PKHD1: variants seen among roughly 807,000 people sequenced by gnomAD.
PKHD1 encodes PKHD1 ciliary IPT domain containing fibrocystin/polyductin.
A neutral mutation model predicts 412.0 loss-of-function variants in PKHD1; 291 were observed. The ratio of observed to expected loss-of-function variants is 0.71; its 90% CI spans 0.64 to 0.78. The LOEUF (loss-of-function observed/expected upper bound fraction) is 0.78. PKHD1 is among the 30% of genes least tolerant of loss of function. PKHD1 has a pLI of 0.00. For missense variants in PKHD1, 4,825 were observed against 4,950.7 expected, an observed-to-expected ratio of 0.97 and a Z score of 0.76; for synonymous variants, 1,777 against 1,821.5, an observed-to-expected ratio of 0.98 and a Z score of 0.62.
intron 59 of PKHD1, 64 bp downstream of exon 59, chr6:51,746,657 T>C: frequency 1.0e-6 from 1 of 989,652 alleles, no homozygotes; most frequent in Non-Finnish European, 1.6e-6. Context: ...AAAACATGTT[T>C]AGGGTTTGAA....
chr6:52,073,114 G>A (rs1810868348), intron 7 of PKHD1, among the ~76,000 whole-genome samples: 1 of 152,166 alleles, frequency 6.6e-6, no homozygotes, highest in African/African-American at 2.4e-5. Flanking sequence ...GTTATAATGG[G>A]CTTTTGGGTT....
chr6:52,044,288 G>T (rs1028404542), intron 25 of PKHD1, among the ~76,000 whole-genome samples: 4 of 152,174 alleles, frequency 2.6e-5, no homozygotes, highest in African/African-American at 9.6e-5. Flanking sequence ...ACTTGGAAAT[G>T]AGAAAGGTAA....
At chr6:51,960,097 C>T (rs1205230202) in intron 35 of PKHD1, 71 bp from the exon 36 acceptor site, 16 of 1,487,900 alleles carry the variant, frequency 1.1e-5, no homozygotes, top group South Asian at 9.1e-5. Context: ...TTGGTTGGTT[C>T]GCTGGTTTGT....
chr6:51,618,924 T>C lies in PKHD1; in HGVS notation c.*157A>G. ...ACATTTTTCAGTCTGTAAGCATTTA[T>C]ATGACTGTTTTCCATTTTAAAGTTG... On this transcript the variant is annotated 3_prime_UTR_variant, in exon 67 of 67. Transcript: ENST00000371117. The C allele has an allele frequency of 1.4e-6, 1 of 727,088 alleles. No individual in the cohort carries two copies. The highest frequency in any genetic ancestry group is 2.6e-5 in the East Asian group (1 of 38,352). 45.0% of individuals were successfully genotyped at this position (727,088 alleles called of 1,614,324 possible).
intron 31 of PKHD1, among the ~76,000 whole-genome samples, chr6:52,027,377 G>GA (rs1395408807): frequency 6.6e-6 from 1 of 151,598 alleles, no homozygotes; most frequent in Non-Finnish European, 1.5e-5. Context: ...ACTAAAAATA[G>GA]AAAAATTAGC....
chr6:51,998,889 T>C (rs887794680), intron 35 of PKHD1, among the ~76,000 whole-genome samples: 11 of 152,198 alleles, frequency 7.2e-5, no homozygotes, highest in Non-Finnish European at 1.2e-4. Flanking sequence ...CATGGAGAGA[T>C]ACAACCAGAA....
At position 51,831,038 on chromosome 6, in the gene PKHD1, C is replaced by G. The variant is rs12527920; in HGVS notation, c.8174-49G>C. On this transcript the variant is annotated intron_variant, in intron 51 of 66. Coordinates refer to ENST00000371117, the MANE Select transcript of PKHD1 (RefSeq NM_138694.4). Reference sequence around the variant, plus strand: ...AAAATCTAATCCATTGTGATAACTTCCAAATTCTATCCTTATTTTAGGATG... The same window carrying G: ...AAAATCTAATCCATTGTGATAACTTGCAAATTCTATCCTTATTTTAGGATG... 0.052 allele frequency: 74,441 copies of G among 1,441,370 alleles called. 2,200 individuals are homozygous for G. The highest frequency in any genetic ancestry group is 0.081 in the East Asian group (3,491 of 43,080). 89.3% of individuals were successfully genotyped at this position (1,441,370 alleles called of 1,614,324 possible).
chr6:51,871,641 T>C (rs1416855470), intron 46 of PKHD1, among the ~76,000 whole-genome samples: 1 of 118,920 alleles, frequency 8.4e-6, no homozygotes, highest in Non-Finnish European at 2.1e-5. Flanking sequence ...CATAGAACTG[T>C]ACATCAAAAA....
At chr6:51,793,264 T>C (rs1794045966) in intron 52 of PKHD1, among the ~76,000 whole-genome samples, 1 of 152,210 alleles carries the variant, frequency 6.6e-6, no homozygotes, top group Admixed American at 6.5e-5. Context: ...AGCACACATT[T>C]TATGGGTTCA....
intron 60 of PKHD1, among the ~76,000 whole-genome samples, chr6:51,709,113 C>T (rs539437856): frequency 2.8e-4 from 43 of 152,320 alleles, no homozygotes; most frequent in African/African-American, 9.4e-4. Context: ...TCCTGGTTAT[C>T]ACATTTGTGC....
rs377485300 is a variant in PKHD1 at position 51,738,612 on chromosome 6, T to C, written c.10156+5773A>G. ...TATGTGTAAGAGTATCAAAACATCATGCTGTACATCTGAAATGTACACTAA... is the reference window on the plus strand; with the variant it reads ...TATGTGTAAGAGTATCAAAACATCACGCTGTACATCTGAAATGTACACTAA... On this transcript the variant is annotated intron_variant, in intron 60 of 66. Coordinates refer to ENST00000371117, the MANE Select transcript of PKHD1 (RefSeq NM_138694.4). Among the ~76,000 whole-genome samples the C allele has an allele frequency of 2.0e-5, 3 of 152,346 alleles. 1 individual carries two copies. The South Asian group carries it at 6.2e-4, about 32-fold the overall frequency.
At chr6:51,986,836 A>C (rs540194968) in intron 35 of PKHD1, among the ~76,000 whole-genome samples, 1 of 152,246 alleles carries the variant, frequency 6.6e-6, no homozygotes, top group African/African-American at 2.4e-5. Context: ...AGTTTTGTCC[A>C]GAAATGAAAT....
intron 43 of PKHD1, among the ~76,000 whole-genome samples, chr6:51,895,570 CA>C (rs1308860376): frequency 3.3e-5 from 5 of 152,144 alleles, no homozygotes; most frequent in African/African-American, 1.2e-4. Context: ...ATATTAAATA[CA>C]TTTTTTTTTG....
intron 60 of PKHD1, among the ~76,000 whole-genome samples, chr6:51,734,801 C>T (rs954106227): frequency 1.1e-4 from 16 of 152,096 alleles, no homozygotes; most frequent in African/African-American, 3.9e-4. Context: ...TCCACACAAA[C>T]GAAGTGATGT....
At chr6:51,975,398 T>C (rs551272783) in intron 35 of PKHD1, among the ~76,000 whole-genome samples, 1 of 151,846 alleles carries the variant, frequency 6.6e-6, no homozygotes, top group South Asian at 2.1e-4. Flanking sequence ...ATACAACTGA[T>C]AAGAGATTAA....
At chr6:51,989,484 A>T (rs1276097475) in intron 35 of PKHD1, among the ~76,000 whole-genome samples, 1 of 152,176 alleles carries the variant, frequency 6.6e-6, no homozygotes, top group African/African-American at 2.4e-5. Context: ...GGGTGTCTCT[A>T]TGTGCACGTG....
rs748329097 is a variant in PKHD1 at position 52,050,248 on chromosome 6, C to T, written c.2188G>A (p.Glu730Lys). The T allele has an allele frequency of 6.2e-7, 1 of 1,614,212 alleles. No individual in the cohort carries two copies. The highest frequency in any genetic ancestry group is 8.5e-7 in the Non-Finnish European group (1 of 1,180,000). ...GGGGATCCCACCACAGAGACTGATT[C>T]CACCAGATTGCCCCCTGGGCGAGCC... ...GTARPGGNLV[E>K]SVSVVGSPPV... Residue 730 changes from glutamate to lysine, a missense_variant, in exon 22 of 67, where the codon GAA (glutamate) becomes AAA (lysine). Transcript: ENST00000371117.
rs145481865 is a variant in PKHD1, at chr6:51,840,273, G to A, written c.8108-3804C>T. Among the ~76,000 whole-genome samples, 9 of 152,176 alleles carry A rather than the reference G, an allele frequency of 5.9e-5. No individual in the cohort carries two copies. The East Asian group carries it at 9.7e-4, about 16-fold the overall frequency. On this transcript the variant is annotated intron_variant, in intron 50 of 66. Coordinates refer to ENST00000371117, the MANE Select transcript of PKHD1 (RefSeq NM_138694.4). ...TGATTCCAGCCTCAGAGGCAGCCAC[G>A]GAAGGCATCTTGGCCCTCATAAAAC... is the stretch of plus-strand genomic sequence containing the variant.
At chr6:51,981,239 G>C (rs948160029) in intron 35 of PKHD1, among the ~76,000 whole-genome samples, 1 of 121,580 alleles carries the variant, frequency 8.2e-6, no homozygotes, top group Non-Finnish European at 1.8e-5. Context: ...AAAAACCTCT[G>C]TGCAACCCAA....
Sources: allele counts gnomAD v4.1 joint callset (sites outside exome capture counted in the v4.1 genomes callset), GRCh38; gene constraint gnomAD v4.1.1; transcripts MANE v1.5; gene names NCBI Gene and HGNC (gene_info 2026-07-23, HGNC 2026-07-21).